Variants in VDAC1 observed in about 807,000 individuals in gnomAD.
The protein encoded by VDAC1 is non-selective voltage-gated ion channel VDAC1.
In VDAC1, 10 loss-of-function variants were observed where a neutral mutation model predicts 34.7. That is an observed-to-expected ratio of 0.29 (90% CI 0.18 to 0.49). The LOEUF is 0.49. Among genes scored for constraint, VDAC1 ranks in the 20% least tolerant of loss-of-function variants. VDAC1 has a pLI of 0.99. For synonymous variants in VDAC1, 130 were observed against 136.0 expected (o/e 0.96, Z 0.30); for missense variants, 230 against 347.9 (o/e 0.66, Z 2.69).
the VDAC1 span, among the ~76,000 whole-genome samples, chr5:134,085,722 T>TAAAAAAAAAAAAA: frequency 0.021 from 919 of 44,218 alleles, 196 homozygotes; most frequent in Non-Finnish European, 0.024. Flanking sequence ...ACCCCATTTC[T>TAAAAAAAAAAAAA]AAAAAAAAAA....
chr5:134,088,475 G>A, the VDAC1 span, among the ~76,000 whole-genome samples: 694 of 152,342 alleles, frequency 4.6e-3, 10 homozygotes, highest in African/African-American at 0.016. Context: ...CACAGGCATG[G>A]AGGAGGCAAG....
chr5:134,041,807 C>A, the VDAC1 span, among the ~76,000 whole-genome samples: 1 of 152,138 alleles, frequency 6.6e-6, no homozygotes, highest in Non-Finnish European at 1.5e-5. Flanking sequence ...GGGAGCAGGG[C>A]CCACCCAGGG....
the VDAC1 span, among the ~76,000 whole-genome samples, chr5:134,044,316 T>G: frequency 1.2e-4 from 19 of 152,238 alleles, no homozygotes; most frequent in Non-Finnish European, 2.5e-4. Flanking sequence ...TCCCATCATA[T>G]GCAGGTGTCT....
At chr5:133,986,606 T>C (rs1262768117) in intron 5 of VDAC1, among the ~76,000 whole-genome samples, 1 of 152,128 alleles carries the variant, frequency 6.6e-6, no homozygotes, top group Admixed American at 6.6e-5. Flanking sequence ...CAGGCTGGTC[T>C]CAAACACCTG....
chr5:134,093,516 TG>T, the VDAC1 span, among the ~76,000 whole-genome samples: 4 of 152,330 alleles, frequency 2.6e-5, no homozygotes, highest in East Asian at 7.7e-4. Context: ...CCCCTCATGA[TG>T]CAAAGCAGAG....
chr5:134,039,625 G>A, the VDAC1 span, among the ~76,000 whole-genome samples: 186 of 152,288 alleles, frequency 1.2e-3, no homozygotes, highest in Non-Finnish European at 1.9e-3. Context: ...CACCGCGCCC[G>A]GCAGACGTGC....
At chr5:133,973,498 C>G (rs1480114098) in intron 8 of VDAC1, among the ~76,000 whole-genome samples, 1 of 152,054 alleles carries the variant, frequency 6.6e-6, no homozygotes, top group Non-Finnish European at 1.5e-5. Flanking sequence ...GAGAATCTGC[C>G]AGAAATAAGT....
At chr5:134,097,950 A>C in the VDAC1 span, among the ~76,000 whole-genome samples, 981 of 151,850 alleles carry the variant, frequency 6.5e-3, 33 homozygotes, top group East Asian at 0.08. Context: ...GCTCACTGCA[A>C]CCTCTGCCTC....
chr5:134,100,220 G>A, the VDAC1 span, among the ~76,000 whole-genome samples: 2 of 152,248 alleles, frequency 1.3e-5, no homozygotes, highest in Non-Finnish European at 2.9e-5. Flanking sequence ...TCCAGGAGGA[G>A]GAGGCAGTCA....
At chr5:134,040,588 A>T in the VDAC1 span, among the ~76,000 whole-genome samples, 3 of 151,950 alleles carry the variant, frequency 2.0e-5, no homozygotes, top group Non-Finnish European at 4.4e-5. Context: ...AAAAAAAAAA[A>T]TTAGCTGGGC....
the VDAC1 span, among the ~76,000 whole-genome samples, chr5:134,079,755 C>A: frequency 2.0e-5 from 3 of 152,210 alleles, no homozygotes; most frequent in Non-Finnish European, 2.9e-5. Flanking sequence ...TGCCCCAGGC[C>A]TTCCCAGGTG....
At chr5:134,033,154 A>ATT in the VDAC1 span, among the ~76,000 whole-genome samples, 210 of 125,402 alleles carry the variant, frequency 1.7e-3, 5 homozygotes, top group African/African-American at 5.0e-3. Flanking sequence ...GTAGAAACTA[A>ATT]TTTTTTTTTT....
chr5:134,105,621 C>A, the VDAC1 span, among the ~76,000 whole-genome samples: 1 of 152,220 alleles, frequency 6.6e-6, no homozygotes, highest in Non-Finnish European at 1.5e-5. Flanking sequence ...ATGAGCAAGA[C>A]GGAGGAGTCC....
At chr5:134,005,027 G>C (rs1452512667), upstream of VDAC1, 1 of 152,286 alleles carries the variant, frequency 6.6e-6, no homozygotes, top group Non-Finnish European at 1.5e-5. Flanking sequence ...GCGTGCGCAG[G>C]GACACGCGGG....
At chr5:133,977,964 G>A (rs1456789690) in intron 6 of VDAC1, among the ~76,000 whole-genome samples, 1 of 152,132 alleles carries the variant, frequency 6.6e-6, no homozygotes, top group Non-Finnish European at 1.5e-5. Context: ...AGCCTGCCTA[G>A]ACCCTCTCAA....
chr5:134,088,055 T>C, the VDAC1 span, among the ~76,000 whole-genome samples: 1 of 151,556 alleles, frequency 6.6e-6, no homozygotes, highest in African/African-American at 2.4e-5. Context: ...CTCAGGAGGC[T>C]GAGGCAGGAG....
the VDAC1 span, among the ~76,000 whole-genome samples, chr5:134,091,908 T>G: frequency 6.6e-6 from 1 of 152,238 alleles, no homozygotes. Flanking sequence ...GCACTGAGCC[T>G]TCATGCAGGC....
the VDAC1 span, among the ~76,000 whole-genome samples, chr5:134,030,742 G>C: frequency 6.6e-6 from 1 of 151,958 alleles, no homozygotes; most frequent in Admixed American, 6.6e-5. Flanking sequence ...TGAGAATCTG[G>C]GATTACAGGC....
the VDAC1 span, among the ~76,000 whole-genome samples, chr5:134,019,186 CAA>C: frequency 6.7e-6 from 1 of 150,336 alleles, no homozygotes; most frequent in African/African-American, 2.4e-5. Context: ...AACAAGCAAA[CAA>C]AAAAAAACCC....
Sources: gnomAD v4.1 joint callset for allele counts (sites outside exome capture counted in the v4.1 genomes callset) on GRCh38, gnomAD v4.1.1 for gene constraint, MANE v1.5 for transcripts, NCBI Gene and HGNC (gene_info 2026-07-23, HGNC 2026-07-21) for gene names.